Variants in BMPER observed in about 807,000 individuals in gnomAD.
The protein encoded by BMPER is BMP binding endothelial regulator, also known as BMP-binding endothelial regulator protein.
A neutral mutation model predicts 87.3 loss-of-function variants in BMPER; 45 were observed. That is an observed-to-expected ratio of 0.52 (90% CI 0.41 to 0.66). The LOEUF (loss-of-function observed/expected upper bound fraction) is 0.66, where lower values mean the gene tolerates loss of function less well. BMPER is among the 30% of genes least tolerant of loss of function. The probability of loss-of-function intolerance (pLI) is 0.00; values close to 1 mark genes in which losing one functional copy is unlikely to be tolerated. For missense variants in BMPER, 784 were observed against 867.5 expected (o/e 0.90, Z 1.21); for synonymous variants, 326 against 316.2 (o/e 1.03, Z -0.33).
chr7:33,920,393 C>CT (rs142872575), intron 2 of BMPER, among the ~76,000 whole-genome samples: 2,940 of 147,020 alleles, frequency 0.02, 99 homozygotes, highest in African/African-American at 0.07. Context: ...TGGCTGGCTC[C>CT]TGTGCAGACC....
Position 34,074,365 on chromosome 7 carries a change from A to G in BMPER, c.1079-4492A>G, listed in dbSNP as rs1292638009. 2.0e-5 allele frequency among the ~76,000 whole-genome samples: 3 copies of G among 152,180 alleles called. No homozygotes were observed. In the South Asian group the frequency reaches 6.2e-4, roughly 32 times the overall value. ...TTTTGGGCCAATAGCTGTCAGTGAC[A>G]TTCTGTGCAAGATGGGGGGCTCCTG... On this transcript the variant is annotated intron_variant, in intron 11 of 14. Transcript: ENST00000649409.
intron 1 of BMPER, among the ~76,000 whole-genome samples, 200 bp downstream of exon 1, chr7:33,905,946 C>T (rs766965057): frequency 3.3e-5 from 5 of 152,162 alleles, no homozygotes; most frequent in African/African-American, 4.8e-5. Context: ...GAGGCTGTTG[C>T]CTTCAATGTA....
intron 11 of BMPER, among the ~76,000 whole-genome samples, chr7:34,075,358 A>C (rs1788836942): frequency 1.3e-5 from 2 of 152,228 alleles, no homozygotes; most frequent in South Asian, 4.1e-4. Flanking sequence ...AAATACACAT[A>C]AACAAGAAAG....
intron 1 of BMPER, among the ~76,000 whole-genome samples, chr7:33,906,189 A>G (rs1562621970): frequency 1.3e-5 from 2 of 152,206 alleles, no homozygotes; most frequent in Non-Finnish European, 2.9e-5. Flanking sequence ...TATCATTTAA[A>G]AAGGGCACTA....
At chr7:33,928,327 C>T (rs1229744126) in intron 2 of BMPER, among the ~76,000 whole-genome samples, 2 of 152,094 alleles carry the variant, frequency 1.3e-5, no homozygotes, top group African/African-American at 2.4e-5. Flanking sequence ...CCACGGGGCT[C>T]GATCCCTGGC....
At chr7:33,974,661 A>AT in intron 5 of BMPER, 41 bp from the exon 6 acceptor site, 1 of 1,581,540 alleles carries the variant, frequency 6.3e-7, no homozygotes, top group Non-Finnish European at 8.7e-7. Context: ...TTGAACGATG[A>AT]TGGCTGTTGC....
At chr7:34,075,012 T>A (rs189160534) in intron 11 of BMPER, among the ~76,000 whole-genome samples, 6,649 of 151,232 alleles carry the variant, frequency 0.044, 185 homozygotes, top group Middle Eastern at 0.095. Context: ...TTTCTCTTAT[T>A]TTTTTTTTAG....
chr7:33,957,722 A>T (rs1785182200), intron 3 of BMPER, among the ~76,000 whole-genome samples: 1 of 152,172 alleles, frequency 6.6e-6, no homozygotes, highest in Non-Finnish European at 1.5e-5. Context: ...CAAAGGGTGC[A>T]TGGAACCTAC....
chr7:34,068,368 G>C (rs1788650162), intron 11 of BMPER, among the ~76,000 whole-genome samples: 1 of 152,234 alleles, frequency 6.6e-6, no homozygotes, highest in Admixed American at 6.5e-5. Context: ...AAGGGGAAGA[G>C]AAGGTCTGGA....
intron 3 of BMPER, among the ~76,000 whole-genome samples, chr7:33,964,248 A>T (rs905590326): frequency 6.6e-6 from 1 of 152,222 alleles, no homozygotes; most frequent in African/African-American, 2.4e-5. Context: ...AGTGCTTGAT[A>T]TACTGAAGTC....
Position 33,921,225 on chromosome 7 carries a change from G to A in BMPER, c.219+14322G>A, listed in dbSNP as rs574000927. On this transcript the variant is annotated intron_variant, in intron 2 of 14. Transcript: ENST00000649409. The stretch of plus-strand genomic sequence containing the variant: ...TCATGATCAAAATATCTAGAACAGC[G>A]CCTTGCAAACTTTAATCTTAATAGC... 1.1e-4 allele frequency among the ~76,000 whole-genome samples: 17 copies of A among 152,258 alleles called. No individual in the cohort carries two copies. The South Asian group carries it at 1.7e-3, about 15-fold the overall frequency.
chr7:34,002,825 C>G (rs1311565801), intron 6 of BMPER, among the ~76,000 whole-genome samples: 1 of 151,572 alleles, frequency 6.6e-6, no homozygotes, highest in African/African-American at 2.4e-5. Flanking sequence ...AGTATAGTCC[C>G]TACTGCTCTC....
At chr7:34,063,246 A>G (rs1788487773) in intron 11 of BMPER, among the ~76,000 whole-genome samples, 1 of 152,230 alleles carries the variant, frequency 6.6e-6, no homozygotes, top group Admixed American at 6.5e-5. Flanking sequence ...GACAGCTGAA[A>G]GCAGCTTTCA....
chr7:33,953,381 A>G (rs1007583226), intron 3 of BMPER, among the ~76,000 whole-genome samples: 3 of 152,230 alleles, frequency 2.0e-5, no homozygotes, highest in African/African-American at 7.2e-5. Context: ...CAGGACTTGG[A>G]AGTAGATGGG....
At chr7:33,921,957 G>GCTATTTC in intron 2 of BMPER, 2 of 418,848 alleles carry the variant, frequency 4.8e-6, no homozygotes, top group South Asian at 3.3e-5. Context: ...TCTGCAAGAA[G>GCTATTTC]CTATTTCCTT....
At chr7:34,119,014 T>TCTCTCTCTCTCTCACA (rs66493349) in intron 13 of BMPER, among the ~76,000 whole-genome samples, 5 of 135,794 alleles carry the variant, frequency 3.7e-5, no homozygotes, top group African/African-American at 1.3e-4. Flanking sequence ...TCTCTCTCTC[T>TCTCTCTCTCTCTCACA]CACACACACA....
chr7:34,080,912 C>T (rs1275082197), intron 12 of BMPER, among the ~76,000 whole-genome samples: 1 of 152,048 alleles, frequency 6.6e-6, no homozygotes, highest in African/African-American at 2.4e-5. Context: ...AAGGATGAGG[C>T]TAAGAGAATA....
intron 6 of BMPER, among the ~76,000 whole-genome samples, chr7:34,008,231 G>A (rs1338751832): frequency 6.6e-6 from 1 of 151,816 alleles, no homozygotes; most frequent in African/African-American, 2.4e-5. Context: ...TTTCTCTACT[G>A]GGTTGTTGGT....
intron 11 of BMPER, among the ~76,000 whole-genome samples, chr7:34,065,130 CA>C (rs1788541573): frequency 2.0e-5 from 3 of 150,710 alleles, no homozygotes; most frequent in Admixed American, 2.0e-4. Flanking sequence ...GCCAGAAAAA[CA>C]ACTAATTTAT....
Sources: gnomAD v4.1 joint callset for allele counts (sites outside exome capture counted in the v4.1 genomes callset) on GRCh38, gnomAD v4.1.1 for gene constraint, MANE v1.5 for transcripts, NCBI Gene and HGNC (gene_info 2026-07-23, HGNC 2026-07-21) for gene names.